TADA3: variants seen among roughly 807,000 people sequenced by gnomAD.
TADA3 encodes transcriptional adaptor 3.
In TADA3, 25 loss-of-function variants were observed where a neutral mutation model predicts 43.2. The ratio of observed to expected loss-of-function variants is 0.58; its 90% CI spans 0.42 to 0.81. The LOEUF is 0.81. Among genes scored for constraint, TADA3 ranks in the 30% least tolerant of loss-of-function variants. The pLI, the probability that TADA3 is intolerant of heterozygous loss-of-function variation, is 0.00. For synonymous variants in TADA3, 235 were observed against 225.5 expected, an observed-to-expected ratio of 1.04 and a Z score of -0.38; for missense variants, 441 against 567.8, an observed-to-expected ratio of 0.78 and a Z score of 2.27.
intron 2 of TADA3, among the ~76,000 whole-genome samples, chr3:9,790,848 G>A (rs963554377): frequency 2.0e-5 from 3 of 152,172 alleles, no homozygotes; most frequent in African/African-American, 4.8e-5. Context: ...GCTAGCAAGC[G>A]CTTATGCCAG....
At chr3:9,786,384 A>G (rs2078611892) in intron 6 of TADA3, among the ~76,000 whole-genome samples, 1 of 152,174 alleles carries the variant, frequency 6.6e-6, no homozygotes, top group Non-Finnish European at 1.5e-5. Context: ...AACCTGCAAC[A>G]TGTACCCAGA....
chr3:9,792,101 T>C (rs903369471), intron 1 of TADA3, 115 bp downstream of exon 1: 1 of 152,322 alleles, frequency 6.6e-6, no homozygotes, highest in Non-Finnish European at 1.5e-5. Context: ...GAACATGTTA[T>C]TTGACCTTTT....
At chr3:9,791,978 A>G (rs1370714260) in intron 1 of TADA3, among the ~76,000 whole-genome samples, 1 of 152,112 alleles carries the variant, frequency 6.6e-6, no homozygotes, top group African/African-American at 2.4e-5. Context: ...TTCTTACCCT[A>G]TTCCACCTTT....
chr3:9,792,726 G>C (rs778335537), upstream of TADA3: 73 of 1,236,154 alleles, frequency 5.9e-5, no homozygotes, highest in Non-Finnish European at 7.3e-5. Flanking sequence ...CGAGAGAAAG[G>C]ATGGGGGTAC....
Position 9,787,281 on chromosome 3 carries a change from C to G in TADA3, c.624G>C (p.Glu208Asp), listed in dbSNP as rs373432811. Reference sequence around the variant, plus strand: ...CCGCTGCCCGGGCCCCATCCTTCTGCTCCTCCAGCAGGTCCTCCTGGGCCC... The same window carrying G: ...CCGCTGCCCGGGCCCCATCCTTCTGGTCCTCCAGCAGGTCCTCCTGGGCCC... ...QRWAQEDLLE[E>D]QKDGARAAAV... is the part of the protein sequence containing the mutation. The change falls in exon 5 of 9, where the codon GAG becomes GAC. Residue 208 changes from glutamate to aspartate, a missense_variant. Glu to Asp is a conservative substitution (Grantham distance 45). Transcript: ENST00000301964. 1.4e-5 allele frequency: 23 copies of G among 1,614,200 alleles called. No homozygotes were observed. Among genetic ancestry groups the G allele is most frequent in the Non-Finnish European group, 1.9e-5 (23 of 1,180,040 alleles).
In TADA3 at chr3:9,789,996, G is replaced by A. The variant is rs293791; in HGVS notation, c.208-33C>T. ...TTACAGAAAGTGTCACTGAGGGGGA[G>A]AAGGGAAAACACAGAATATCTCTTT... On this transcript the variant is annotated intron_variant, in intron 2 of 8. Coordinates refer to ENST00000301964, the MANE Select transcript of TADA3 (RefSeq NM_006354.5). 4 of 1,552,270 alleles carry A rather than the reference G, an allele frequency of 2.6e-6. No individual in the cohort carries two copies. The East Asian group carries it at 6.8e-5, about 26-fold the overall frequency.
Position 9,791,376 on chromosome 3 carries a change from C to T in TADA3, c.91G>A (p.Ala31Thr). ...CCGATGCCATCATCCTCAGAGCGTG[C>T]CAGCACTGCCGTGTAGCGGGGACAG... The part of the protein sequence containing the change: ...KVCPRYTAVL[A>T]RSEDDGIGIE... Residue 31 changes from alanine (A) to threonine (T), a missense_variant, in exon 2 of 9, where the codon GCA becomes ACA. By Grantham distance (58) the Ala-to-Thr change is moderately conservative. Transcript: ENST00000301964. 1 of 1,614,192 alleles carries T rather than the reference C, an allele frequency of 6.2e-7. No homozygotes were observed. The highest frequency in any genetic ancestry group is 2.2e-5 in the East Asian group (1 of 44,886).
chr3:9,782,739 C>T (rs1223009407), intron 8 of TADA3, among the ~76,000 whole-genome samples: 1 of 146,920 alleles, frequency 6.8e-6, no homozygotes, highest in African/African-American at 2.5e-5. Context: ...TGCAGTGAGC[C>T]GAGATCATGG....
intron 8 of TADA3, chr3:9,781,410 G>A: frequency 2.3e-6 from 1 of 430,096 alleles, no homozygotes; most frequent in Non-Finnish European, 4.8e-6. Context: ...TTACCCGTGA[G>A]GAAAATGAGG....
intron 6 of TADA3, among the ~76,000 whole-genome samples, chr3:9,786,086 C>T (rs1193782260): frequency 6.6e-6 from 1 of 152,114 alleles, no homozygotes; most frequent in Non-Finnish European, 1.5e-5. Flanking sequence ...CTACAGGCGC[C>T]TGCCACTATG....
At position 9,791,264 on chromosome 3, in the gene TADA3, G is replaced by A; in HGVS notation, c.203C>T (p.Thr68Ile). The A allele has an allele frequency of 6.2e-7, 1 of 1,611,584 alleles. No homozygotes were observed. Among genetic ancestry groups the A allele is most frequent in the South Asian group, 1.1e-5 (1 of 90,888 alleles). The change falls in exon 2 of 9, where the codon ACC becomes ATC. Residue 68 changes from threonine to isoleucine, a missense_variant. Coordinates refer to ENST00000301964, the MANE Select transcript of TADA3 (RefSeq NM_006354.5). ...GCCCCTCTCTGGGGTTATCACCTGG[G>A]TTTCGGCCTCAAGCACACGCAGGCG... is the stretch of plus-strand genomic sequence containing the variant. ...SRRLRVLEAETQILTDWQDKK... is the reference protein window; with the variant it reads ...SRRLRVLEAEIQILTDWQDKK...
intron 8 of TADA3, chr3:9,783,781 A>T: frequency 1.5e-6 from 1 of 645,756 alleles, no homozygotes; most frequent in Non-Finnish European, 2.3e-6. Context: ...CCCTCTCAAA[A>T]AAAAACAAAA....
chr3:9,780,684 G>C lies in TADA3; in HGVS notation c.1107-135C>G. On this transcript the variant is annotated intron_variant, in intron 8 of 8. Transcript: ENST00000301964. ...TGTGTCATACAGTCGTGACCAAAAA[G>C]CAGTTACTGACCTACACTTACATGG... 4.8e-6 allele frequency: 4 copies of C among 835,900 alleles called. No homozygotes were observed. The South Asian group carries it at 5.5e-5, about 11-fold the overall frequency. 51.8% of individuals were successfully genotyped at this position (835,900 alleles called of 1,614,324 possible). A position where few individuals can be genotyped will look rare whatever the true frequency, so the allele number is the denominator to read the frequency against.
intron 8 of TADA3, among the ~76,000 whole-genome samples, chr3:9,782,149 C>T (rs1401407903): frequency 6.6e-6 from 1 of 152,148 alleles, no homozygotes; most frequent in Non-Finnish European, 1.5e-5. Context: ...GGGCCCACTA[C>T]TTCTGTAACT....
intron 6 of TADA3, among the ~76,000 whole-genome samples, chr3:9,785,926 C>T (rs886313033): frequency 1.3e-5 from 2 of 150,672 alleles, no homozygotes. Flanking sequence ...TCACACACTC[C>T]TCCTTGTTTT....
intron 6 of TADA3, among the ~76,000 whole-genome samples, chr3:9,786,428 A>C (rs561038332): frequency 4.1e-4 from 62 of 152,326 alleles, no homozygotes; most frequent in African/African-American, 1.4e-3. Flanking sequence ...TGTTTGAGCC[A>C]GAATAGAAAA....
At chr3:9,792,517 C>G, upstream of TADA3, 1 of 1,220,976 alleles carries the variant, frequency 8.2e-7, no homozygotes, top group Non-Finnish European at 1.0e-6. Flanking sequence ...GGCGGGGAGT[C>G]AGCGAGGGCG....
In TADA3 at chr3:9,791,361, C is replaced by A. The variant is rs758878328; in HGVS notation, c.106G>T (p.Asp36Tyr). ...TCCAGCTCCTCGATGCCGATGCCAT[C>A]ATCCTCAGAGCGTGCCAGCACTGCC... The part of the protein sequence containing the change: ...YTAVLARSED[D>Y]GIGIEELDTL... Residue 36 changes from aspartate to tyrosine, a missense_variant, in exon 2 of 9, where the codon GAT becomes TAT. Physicochemically the swap from Asp to Tyr is radical, Grantham distance 160 (BLOSUM62 -3). Transcript: ENST00000301964. The A allele has an allele frequency of 1.9e-6, 3 of 1,614,256 alleles. No individual in the cohort carries two copies. Among genetic ancestry groups the A allele is most frequent in the Non-Finnish European group, 1.7e-6 (2 of 1,180,058 alleles).
In TADA3 at chr3:9,780,382, C is replaced by T. The variant is rs937468169; in HGVS notation, c.1274G>A (p.Ser425Asn). ...CTACCCATCCAGCAGCTTCAGGATG[C>T]TCTCACGCTCCTTCAGAGTCTTCCA... Reference protein sequence around the residue: ...QAWKTLKERESILKLLDG With the variant: ...QAWKTLKERENILKLLDG Residue 425 changes from serine (S) to asparagine (N), a missense_variant, in exon 9 of 9, where the codon AGC becomes AAC. Transcript: ENST00000301964. The T allele has an allele frequency of 2.5e-6, 4 of 1,613,206 alleles. No individual in the cohort carries two copies. The highest frequency in any genetic ancestry group is 1.7e-5 in the Admixed American group (1 of 59,898).
Sources: gnomAD v4.1 joint callset for allele counts (sites outside exome capture counted in the v4.1 genomes callset) on GRCh38, gnomAD v4.1.1 for gene constraint, MANE v1.5 for transcripts, NCBI Gene and HGNC (gene_info 2026-07-23, HGNC 2026-07-21) for gene names.